AP3B1: variants seen among roughly 807,000 people sequenced by gnomAD.
AP3B1 encodes AP-3 complex subunit beta-1.
A neutral mutation model predicts 132.5 loss-of-function variants in AP3B1; 61 were observed. That is an observed-to-expected ratio of 0.46 (90% CI 0.37 to 0.57). The LOEUF (loss-of-function observed/expected upper bound fraction) is 0.57, where lower values mean the gene tolerates loss of function less well. Among genes scored for constraint, AP3B1 ranks in the 20% least tolerant of loss-of-function variants. The pLI is 0.00. For synonymous variants in AP3B1, 388 were observed against 438.3 expected, an observed-to-expected ratio of 0.89 and a Z score of 1.43; for missense variants, 1,120 against 1,289.4, an observed-to-expected ratio of 0.87 and a Z score of 2.01.
At chr5:78,246,290 T>C (rs918479938) in intron 2 of AP3B1, among the ~76,000 whole-genome samples, 4 of 152,244 alleles carry the variant, frequency 2.6e-5, no homozygotes, top group Non-Finnish European at 5.9e-5. Flanking sequence ...CTAACAGCAC[T>C]GTATTTTGGG....
intron 14 of AP3B1, among the ~76,000 whole-genome samples, chr5:78,147,153 G>C (rs747258237): frequency 1.6e-4 from 25 of 152,068 alleles, no homozygotes; most frequent in Non-Finnish European, 3.1e-4. Context: ...ATTTTGAATA[G>C]ATTTTTCCTT....
intron 17 of AP3B1, among the ~76,000 whole-genome samples, chr5:78,125,405 T>C (rs1056542289): frequency 6.6e-6 from 1 of 152,170 alleles, no homozygotes; most frequent in Non-Finnish European, 1.5e-5. Context: ...ATTTCACAGT[T>C]ACAGGACTTG....
chr5:78,029,387 A>G (rs1005450240), intron 24 of AP3B1, among the ~76,000 whole-genome samples: 2 of 139,378 alleles, frequency 1.4e-5, no homozygotes, highest in Non-Finnish European at 3.0e-5. Flanking sequence ...ATAAATGCAT[A>G]CACACACACA....
chr5:78,020,898 AC>A, intron 24 of AP3B1, 109 bp from the exon 25 acceptor site: 1 of 888,182 alleles, frequency 1.1e-6, no homozygotes, highest in Non-Finnish European at 1.8e-6. Flanking sequence ...ACAGTATAAG[AC>A]CTTTTTGGTT....
chr5:78,175,757 T>A (rs756907681), intron 10 of AP3B1, 27 bp downstream of exon 10: 9 of 1,610,896 alleles, frequency 5.6e-6, no homozygotes, highest in Middle Eastern at 1.7e-4. Context: ...ATGTGTCTCT[T>A]AAATTACGTG....
intron 14 of AP3B1, among the ~76,000 whole-genome samples, chr5:78,154,132 A>C (rs1743037621): frequency 6.6e-6 from 1 of 152,200 alleles, no homozygotes; most frequent in Non-Finnish European, 1.5e-5. Context: ...AAGAAAAGAC[A>C]GGTCTGTTGC....
rs1747935041 is a variant in AP3B1 at position 78,039,053 on chromosome 5, A to T, written c.2799T>A (p.Phe933Leu). Residue 933 changes from phenylalanine (F) to leucine (L), a missense_variant, in exon 23 of 27, where the codon TTT becomes TTA. Transcript: ENST00000255194. ...AGAATTAATATTTACCTATTGGATTAAAAACATGCATTTTCATGCCTATAG... is the reference window on the plus strand; with the variant it reads ...AGAATTAATATTTACCTATTGGATTTAAAACATGCATTTTCATGCCTATAG... ...KLPIGMKMHV[F>L]NPIDSLEPEG... is the part of the protein sequence containing the mutation. 3 of 1,567,984 alleles carry T rather than the reference A, an allele frequency of 1.9e-6. No homozygotes were observed. Among genetic ancestry groups the T allele is most frequent in the Non-Finnish European group, 2.6e-6 (3 of 1,139,476 alleles).
chr5:78,151,203 G>A (rs765305820), intron 14 of AP3B1, among the ~76,000 whole-genome samples: 4 of 152,304 alleles, frequency 2.6e-5, no homozygotes, highest in Middle Eastern at 3.4e-3. Flanking sequence ...GATTACAGGC[G>A]TGAGCCACCA....
chr5:78,090,976 G>A (rs1750485669), intron 21 of AP3B1, among the ~76,000 whole-genome samples: 1 of 149,756 alleles, frequency 6.7e-6, no homozygotes, highest in African/African-American at 2.5e-5. Context: ...TTTTAGAGAT[G>A]GGATCTCCCC....
At chr5:78,126,023 G>A (rs115344747) in intron 17 of AP3B1, among the ~76,000 whole-genome samples, 2,189 of 151,840 alleles carry the variant, frequency 0.014, 53 homozygotes, top group African/African-American at 0.05. Flanking sequence ...GGAGAGATAA[G>A]GCGGAAGCAG....
At chr5:78,227,675 T>TA in intron 4 of AP3B1, 143 bp from the exon 5 acceptor site, 1 of 742,340 alleles carries the variant, frequency 1.3e-6, no homozygotes, top group Admixed American at 2.6e-5. Flanking sequence ...GAACAATTAG[T>TA]ATATAGGAAT....
At chr5:78,016,587 C>T (rs1330536987) in intron 25 of AP3B1, among the ~76,000 whole-genome samples, 1 of 151,986 alleles carries the variant, frequency 6.6e-6, no homozygotes, top group Non-Finnish European at 1.5e-5. Context: ...AGACTCTGCA[C>T]CGTCTGGCAT....
At chr5:78,004,746 G>A (rs1396239852) in intron 26 of AP3B1, among the ~76,000 whole-genome samples, 1 of 152,162 alleles carries the variant, frequency 6.6e-6, no homozygotes, top group Non-Finnish European at 1.5e-5. Flanking sequence ...CACTCTACAA[G>A]CATGCTGAAA....
rs1749684568 is a variant in AP3B1 at position 78,294,693 on chromosome 5, G to A, written c.-114C>T. The A allele has an allele frequency of 5.2e-6, 8 of 1,544,276 alleles. No individual in the cohort carries two copies. Among genetic ancestry groups the A allele is most frequent in the East Asian group, 4.5e-5 (2 of 44,408 alleles). On this transcript the variant is annotated 5_prime_UTR_variant, in exon 1 of 27. Coordinates refer to ENST00000255194, the MANE Select transcript of AP3B1 (RefSeq NM_003664.5). ...CTCGTACGGAGGAGCGCGCGCAGGC[G>A]CTTCCGGACTCGTCACGGCTCCCTG... is the stretch of plus-strand genomic sequence containing the variant.
At chr5:78,138,893 C>T (rs1451682653) in intron 15 of AP3B1, among the ~76,000 whole-genome samples, 2 of 141,260 alleles carry the variant, frequency 1.4e-5, no homozygotes, top group Admixed American at 7.6e-5. Flanking sequence ...TTGCTTGAAC[C>T]TGGGAGGTAG....
At chr5:78,238,225 C>A (rs183665377) in intron 3 of AP3B1, among the ~76,000 whole-genome samples, 62 of 152,274 alleles carry the variant, frequency 4.1e-4, no homozygotes, top group Middle Eastern at 3.4e-3. Context: ...ATCTAGGCTG[C>A]GTGCTCCTTA....
At chr5:78,102,625 A>G (rs935760774) in intron 20 of AP3B1, among the ~76,000 whole-genome samples, 5 of 152,160 alleles carry the variant, frequency 3.3e-5, no homozygotes, top group Admixed American at 2.6e-4. Context: ...CTCAACTAGA[A>G]TATCATTCCT....
At position 78,049,079 on chromosome 5, in the gene AP3B1, C is replaced by T. The variant is rs1438791467; in HGVS notation, c.2578-9805G>A. 2.0e-5 allele frequency among the ~76,000 whole-genome samples: 3 copies of T among 152,168 alleles called. No individual in the cohort carries two copies. In the East Asian group the frequency reaches 5.8e-4, roughly 29 times the overall value. ...GTGACTCAACTAATAATTTGTTTTG[C>T]ATCAAGGCTACTTAATTCTACCTTT... On this transcript the variant is annotated intron_variant, in intron 22 of 26. Coordinates refer to ENST00000255194, the MANE Select transcript of AP3B1 (RefSeq NM_003664.5).
chr5:78,150,640 A>G (rs186691499), intron 14 of AP3B1, among the ~76,000 whole-genome samples: 59 of 152,374 alleles, frequency 3.9e-4, no homozygotes, highest in African/African-American at 1.3e-3. Flanking sequence ...GCTAATACCT[A>G]TAATAATACT....
Sources: allele counts gnomAD v4.1 joint callset (sites outside exome capture counted in the v4.1 genomes callset), GRCh38; gene constraint gnomAD v4.1.1; transcripts MANE v1.5; gene names NCBI Gene and HGNC (gene_info 2026-07-23, HGNC 2026-07-21).